The following PPP2R2B variants were observed in gnomAD, a reference collection of about 807,000 sequenced individuals.
PPP2R2B encodes protein phosphatase 2 regulatory subunit Bbeta, also known as serine/threonine-protein phosphatase 2A 55 kDa regulatory subunit B beta isoform.
PPP2R2B carries 5 observed loss-of-function variants against 46.0 expected under a neutral mutation model. The ratio of observed to expected loss-of-function variants is 0.11; its 90% confidence interval spans 0.06 to 0.23. The LOEUF (loss-of-function observed/expected upper bound fraction) is 0.23, where lower values mean the gene tolerates loss of function less well. PPP2R2B is among the 10% of genes least tolerant of loss of function. The probability of loss-of-function intolerance (pLI) is 1.00; values close to 1 mark genes in which losing one functional copy is unlikely to be tolerated. For missense variants in PPP2R2B, 367 were observed against 575.0 expected (o/e 0.64, Z 3.70); for synonymous variants, 215 against 206.7 (o/e 1.04, Z -0.34).
At chr5:146,700,924 G>T in intron 3 of PPP2R2B, 121 bp downstream of exon 3, 1 of 864,650 alleles carries the variant, frequency 1.2e-6, no homozygotes, top group Non-Finnish European at 1.9e-6. Context: ...GACTTTTTTG[G>T]CAGTTTTTAG....
chr5:146,752,687 G>A (rs1252926120), intron 2 of PPP2R2B, among the ~76,000 whole-genome samples: 1 of 152,172 alleles, frequency 6.6e-6, no homozygotes, highest in Non-Finnish European at 1.5e-5. Flanking sequence ...GTTCTTTTCA[G>A]AGCAATCAGT....
intron 1 of PPP2R2B, among the ~76,000 whole-genome samples, chr5:147,004,878 T>C (rs1360165658): frequency 1.3e-5 from 2 of 152,092 alleles, no homozygotes; most frequent in African/African-American, 4.8e-5. Context: ...AGTAAGGAAA[T>C]TGATATAGTA....
intron 2 of PPP2R2B, among the ~76,000 whole-genome samples, chr5:146,726,526 G>T (rs1010889023): frequency 6.6e-5 from 10 of 152,154 alleles, no homozygotes; most frequent in African/African-American, 2.4e-4. Context: ...ACATATGCAT[G>T]AACTCACTTG....
chr5:146,595,882 CTGAG>C (rs1771121080), intron 8 of PPP2R2B, among the ~76,000 whole-genome samples: 1 of 152,216 alleles, frequency 6.6e-6, no homozygotes, highest in Non-Finnish European at 1.5e-5. Flanking sequence ...GGACGCCAGA[CTGAG>C]TGTCCCAGTA....
In PPP2R2B at chr5:146,878,373, T is replaced by C. The variant is rs1054029821; in HGVS notation, c.-124-178A>G. On this transcript the variant is annotated intron_variant, in intron 1 of 9. Coordinates refer to ENST00000394411, the MANE Select transcript of PPP2R2B (RefSeq NM_181675.4). This position sits in a 1 kb window ranked among gnomAD's most constrained non-coding sequence, Gnocchi z 4.5. ...CCTCCGCTGCCTCCGGGTGCCAAGA[T>C]ACGCCGTGCCCCGAGGGGTCTGGTC... 1.4e-5 allele frequency: 20 copies of C among 1,431,382 alleles called. No homozygotes were observed. Among genetic ancestry groups the C allele is most frequent in the African/African-American group, 2.9e-5 (2 of 69,420 alleles). 88.7% of individuals were successfully genotyped at this position (1,431,382 alleles called of 1,614,324 possible).
intron 2 of PPP2R2B, among the ~76,000 whole-genome samples, chr5:146,854,645 A>G (rs994427896): frequency 6.6e-6 from 1 of 152,214 alleles, no homozygotes; most frequent in African/African-American, 2.4e-5. Flanking sequence ...GACACCTTGA[A>G]GTGATTCTTA....
At chr5:146,671,705 A>C (rs1178187627) in intron 5 of PPP2R2B, among the ~76,000 whole-genome samples, 1 of 152,218 alleles carries the variant, frequency 6.6e-6, no homozygotes, top group Non-Finnish European at 1.5e-5. Flanking sequence ...GACATTATAC[A>C]TCCCAGAGAG....
At chr5:146,948,286 T>C (rs376343248) in intron 1 of PPP2R2B, among the ~76,000 whole-genome samples, 3 of 152,124 alleles carry the variant, frequency 2.0e-5, no homozygotes, top group South Asian at 4.1e-4. Flanking sequence ...TTCCTAGGTG[T>C]TTGGCTTAAA....
intron 7 of PPP2R2B, among the ~76,000 whole-genome samples, chr5:146,609,352 G>C (rs1368420122): frequency 6.6e-6 from 1 of 152,180 alleles, no homozygotes; most frequent in East Asian, 1.9e-4. Context: ...GTCCTAGATA[G>C]AGCAATCAGA....
Position 146,619,363 on chromosome 5 carries a change from C to T in PPP2R2B, c.790+18888G>A, listed in dbSNP as rs540975551. Among the ~76,000 whole-genome samples the T allele has an allele frequency of 2.0e-3, 310 of 151,972 alleles. 3 individuals are homozygous for T. The highest frequency in any genetic ancestry group is 7.3e-3 in the African/African-American group (303 of 41,436). On this transcript the variant is annotated intron_variant, in intron 7 of 9. Transcript: ENST00000394411. ...GGTGCAGTGGTGTGTGCCTGTAATC[C>T]CAGCTCCTCCAGAGGCTGAGGCAGG...
chr5:146,600,676 T>G (rs940116235), intron 7 of PPP2R2B, among the ~76,000 whole-genome samples: 1 of 152,154 alleles, frequency 6.6e-6, no homozygotes, highest in Non-Finnish European at 1.5e-5. Flanking sequence ...AGGACTGGCA[T>G]GGGACCCGTC....
At chr5:146,813,674 T>A (rs1435563892) in intron 2 of PPP2R2B, among the ~76,000 whole-genome samples, 2 of 152,202 alleles carry the variant, frequency 1.3e-5, no homozygotes, top group African/African-American at 4.8e-5. Flanking sequence ...CCTTCTATTT[T>A]CCACTGCTCT....
intron 1 of PPP2R2B, among the ~76,000 whole-genome samples, chr5:146,901,961 A>G (rs1762849125): frequency 6.6e-6 from 1 of 152,222 alleles, no homozygotes; most frequent in African/African-American, 2.4e-5. Context: ...AATTAGAGCC[A>G]TAATTCACGG....
chr5:146,819,480 T>C (rs895063963), intron 2 of PPP2R2B, among the ~76,000 whole-genome samples: 1 of 152,170 alleles, frequency 6.6e-6, no homozygotes, highest in African/African-American at 2.4e-5. Context: ...TCTTTGAATG[T>C]GGAGATGGCA....
chr5:146,930,579 C>T (rs1763936635), intron 1 of PPP2R2B, among the ~76,000 whole-genome samples: 1 of 152,120 alleles, frequency 6.6e-6, no homozygotes, highest in Non-Finnish European at 1.5e-5. Flanking sequence ...TTTGAACAGG[C>T]TTCCCAGGTT....
chr5:146,649,160 A>G (rs1775776989), intron 6 of PPP2R2B, among the ~76,000 whole-genome samples: 1 of 152,156 alleles, frequency 6.6e-6, no homozygotes, highest in African/African-American at 2.4e-5. Flanking sequence ...GATTTGACAT[A>G]TATTTTAGAG....
chr5:147,002,324 T>C (rs1049480101), intron 1 of PPP2R2B, among the ~76,000 whole-genome samples: 1 of 152,232 alleles, frequency 6.6e-6, no homozygotes, highest in Middle Eastern at 3.4e-3. Flanking sequence ...CTCCTGAAGC[T>C]AGGATATGGG....
intron 6 of PPP2R2B, among the ~76,000 whole-genome samples, chr5:146,648,020 T>C (rs1445118435): frequency 2.6e-5 from 4 of 152,204 alleles, no homozygotes; most frequent in African/African-American, 2.4e-5. Context: ...TTGGAGACGG[T>C]TGAGTGCTCT....
chr5:146,954,750 G>GTA (rs1021828665), intron 1 of PPP2R2B, among the ~76,000 whole-genome samples: 1 of 110,416 alleles, frequency 9.1e-6, no homozygotes, highest in African/African-American at 2.9e-5. Flanking sequence ...ATGAATATGT[G>GTA]TATATATGTG....
Sources: gnomAD v4.1 joint callset for allele counts (sites outside exome capture counted in the v4.1 genomes callset) on GRCh38, gnomAD v4.1.1 for gene constraint, Gnocchi (gnomAD v3.1) non-coding constraint, MANE v1.5 for transcripts, NCBI Gene and HGNC (gene_info 2026-07-23, HGNC 2026-07-21) for gene names.